TMEM156: variants seen among roughly 807,000 people sequenced by gnomAD.
The protein encoded by TMEM156 is transmembrane protein 156.
Under a neutral mutation model 30.5 loss-of-function variants are expected in TMEM156, and 28 were observed. That is an observed-to-expected ratio of 0.92 (90% CI 0.68 to 1.26). The LOEUF (loss-of-function observed/expected upper bound fraction) is 1.26. Ranked by LOEUF, TMEM156 falls within the 50% of genes most tolerant of loss-of-function variation. The pLI is 0.00. For missense variants in TMEM156, 351 were observed against 340.6 expected, an observed-to-expected ratio of 1.03 and a Z score of -0.24; for synonymous variants, 137 against 119.9, an observed-to-expected ratio of 1.14 and a Z score of -0.93.
intron 3 of TMEM156, among the ~76,000 whole-genome samples, chr4:38,990,074 C>T (rs1016578306): frequency 1.3e-5 from 2 of 152,348 alleles, no homozygotes; most frequent in African/African-American, 2.4e-5. Flanking sequence ...GGATTACAGG[C>T]GTGAGCCACT....
At chr4:38,990,482 T>A (rs549586319) in intron 3 of TMEM156, among the ~76,000 whole-genome samples, 76 of 152,268 alleles carry the variant, frequency 5.0e-4, no homozygotes, top group African/African-American at 1.6e-3. Context: ...CAAGGTGTCA[T>A]TGGGCACTGA....
At chr4:38,974,674 AT>A (rs11284825) in intron 5 of TMEM156, among the ~76,000 whole-genome samples, 45,459 of 144,008 alleles carry the variant, frequency 0.32, 7,498 homozygotes, top group South Asian at 0.43. Flanking sequence ...ATTAAAAGTA[AT>A]TTTTTTTTTT....
chr4:39,004,864 A>T (rs569599993), intron 1 of TMEM156, among the ~76,000 whole-genome samples: 17 of 152,330 alleles, frequency 1.1e-4, no homozygotes, highest in Admixed American at 3.9e-4. Flanking sequence ...TGACCCAAAA[A>T]TTCCACTCCT....
chr4:39,011,868 A>T (rs1714144972), intron 1 of TMEM156, among the ~76,000 whole-genome samples: 1 of 152,214 alleles, frequency 6.6e-6, no homozygotes, highest in African/African-American at 2.4e-5. Flanking sequence ...CTTTGCAGCA[A>T]CATGGTTGCA....
rs59380844 is a variant in TMEM156, at chr4:39,025,345, CAAAAAAAAA to C, written c.88+6872_88+6880del. Among the ~76,000 whole-genome samples the C allele has an allele frequency of 7.6e-5, 5 of 65,782 alleles. No homozygotes were observed. In the Admixed American group the frequency reaches 7.8e-4, roughly 10 times the overall value. 43.2% of individuals were successfully genotyped at this position (65,782 alleles called of 152,430 possible). A position where few individuals can be genotyped will look rare whatever the true frequency, so the allele number is the denominator to read the frequency against. On this transcript the variant is annotated intron_variant, in intron 1 of 6. Coordinates refer to ENST00000381938, the MANE Select transcript of TMEM156 (RefSeq NM_024943.3). The stretch of plus-strand genomic sequence containing the variant: ...CCTGGGTGACAGAGCAAGACTGTCT[CAAAAAAAAA>C]AAAAAAAAAAAAAAGATTGGAATAA...
chr4:39,005,095 A>G (rs1283831415), intron 1 of TMEM156, among the ~76,000 whole-genome samples: 2 of 152,232 alleles, frequency 1.3e-5, no homozygotes, highest in Non-Finnish European at 2.9e-5. Flanking sequence ...GAATCTCAAA[A>G]GCATTATAAA....
At chr4:38,981,293 T>G (rs1711527107) in intron 5 of TMEM156, among the ~76,000 whole-genome samples, 1 of 152,220 alleles carries the variant, frequency 6.6e-6, no homozygotes, top group South Asian at 2.1e-4. Context: ...ATATAAATTA[T>G]TGGGTCATCC....
intron 1 of TMEM156, among the ~76,000 whole-genome samples, chr4:39,005,313 T>C (rs1048520142): frequency 7.9e-5 from 12 of 152,200 alleles, no homozygotes; most frequent in Non-Finnish European, 1.3e-4. Context: ...GACTGGATCA[T>C]GGGTTAGTTT....
Position 38,989,794 on chromosome 4 carries a change from T to C in TMEM156, c.620-824A>G, listed in dbSNP as rs1712286866. 2.0e-5 allele frequency among the ~76,000 whole-genome samples: 3 copies of C among 151,988 alleles called. No individual in the cohort carries two copies. The South Asian group carries it at 6.2e-4, about 32-fold the overall frequency. On this transcript the variant is annotated intron_variant, in intron 3 of 6. Transcript: ENST00000381938. ...TTTTATTTTATTTTATTTTATCTTA[T>C]TTTATTTTATTTTATTTTATTTGAG...
At chr4:38,983,341 G>A (rs1000255284) in intron 5 of TMEM156, among the ~76,000 whole-genome samples, 1 of 152,084 alleles carries the variant, frequency 6.6e-6, no homozygotes, top group Non-Finnish European at 1.5e-5. Flanking sequence ...CCTGCCCCTG[G>A]CTTTGGTTTC....
At chr4:38,980,494 C>T (rs1252453237) in intron 5 of TMEM156, among the ~76,000 whole-genome samples, 1 of 152,176 alleles carries the variant, frequency 6.6e-6, no homozygotes, top group Non-Finnish European at 1.5e-5. Context: ...ATGCATTATG[C>T]TATGAGCTGG....
At chr4:39,022,821 G>T (rs1451487769) in intron 1 of TMEM156, among the ~76,000 whole-genome samples, 2 of 152,168 alleles carry the variant, frequency 1.3e-5, no homozygotes, top group African/African-American at 4.8e-5. Flanking sequence ...AACTTTGGAA[G>T]AAATGTAGAT....
At chr4:39,004,111 C>A (rs928175621) in intron 1 of TMEM156, among the ~76,000 whole-genome samples, 4 of 152,160 alleles carry the variant, frequency 2.6e-5, no homozygotes, top group African/African-American at 9.7e-5. Flanking sequence ...ACTATATTCT[C>A]ATCTCCATAA....
intron 5 of TMEM156, among the ~76,000 whole-genome samples, chr4:38,974,983 T>A (rs187506083): frequency 3.0e-4 from 45 of 152,226 alleles, no homozygotes; most frequent in Middle Eastern, 3.4e-3. Flanking sequence ...TGAAGATTTT[T>A]AAAATTAAGA....
intron 1 of TMEM156, among the ~76,000 whole-genome samples, chr4:39,019,044 A>AC (rs1469403529): frequency 6.6e-6 from 1 of 150,774 alleles, no homozygotes; most frequent in African/African-American, 2.4e-5. Context: ...AAAAAAAAAA[A>AC]AAAAACCTCT....
rs550263036 is a variant in TMEM156 at position 38,967,478 on chromosome 4, G to C, written c.*202C>G. On this transcript the variant is annotated 3_prime_UTR_variant, in exon 7 of 7. Coordinates refer to ENST00000381938, the MANE Select transcript of TMEM156 (RefSeq NM_024943.3). ...ACTCTTGTTCCCTTGATCTCATGGAGCGAATGAATGCTCTTAAGCTAGTTT... is the reference window on the plus strand; with the variant it reads ...ACTCTTGTTCCCTTGATCTCATGGACCGAATGAATGCTCTTAAGCTAGTTT... The C allele has an allele frequency of 2.0e-5, 3 of 152,164 alleles. No individual in the cohort carries two copies. The East Asian group carries it at 5.8e-4, about 29-fold the overall frequency. The allele number at this position is 152,164 out of a possible 1,614,324, so 9.4% of individuals were successfully genotyped here. A position where few individuals can be genotyped will look rare whatever the true frequency, so the allele number is the denominator to read the frequency against.
chr4:38,978,516 C>T (rs1722997815), intron 5 of TMEM156, among the ~76,000 whole-genome samples: 1 of 152,166 alleles, frequency 6.6e-6, no homozygotes, highest in African/African-American at 2.4e-5. Flanking sequence ...CTCTGTGCCT[C>T]ATTTCGCTCA....
chr4:39,007,880 G>A (rs780953608), intron 1 of TMEM156, among the ~76,000 whole-genome samples: 11 of 151,876 alleles, frequency 7.2e-5, no homozygotes, highest in South Asian at 2.1e-4. Flanking sequence ...CCTCCTAGGC[G>A]CCTTGCTTTT....
In TMEM156 at chr4:38,993,809, T is replaced by TA. The variant is rs1370924786; in HGVS notation, c.547dup (p.Tyr183LeufsTer4). 6.2e-7 allele frequency: 1 copy of TA among 1,613,876 alleles called. No homozygotes were observed. The highest frequency in any genetic ancestry group is 1.1e-5 in the South Asian group (1 of 91,070). On this transcript the variant is annotated frameshift_variant, in exon 3 of 7. Coordinates refer to ENST00000381938, the MANE Select transcript of TMEM156 (RefSeq NM_024943.3). LOFTEE classifies it high-confidence loss of function. ...CGGGTATTCCATGATTCTACAAGTG[T>TA]AGTTTATCGATTTCTCCTTGCTTGG...
Sources: gnomAD v4.1 joint callset for allele counts (sites outside exome capture counted in the v4.1 genomes callset) on GRCh38, gnomAD v4.1.1 for gene constraint, MANE v1.5 for transcripts, NCBI Gene and HGNC (gene_info 2026-07-23, HGNC 2026-07-21) for gene names.